Variants in NRP1 observed in about 807,000 individuals in gnomAD.
NRP1 encodes the protein neuropilin-1.
NRP1 carries 35 observed loss-of-function variants against 106.7 expected under a neutral mutation model. The observed-to-expected ratio is 0.33, with a 90% CI of 0.25 to 0.43. The LOEUF is 0.43. Among genes scored for constraint, NRP1 ranks in the 20% least tolerant of loss-of-function variants. The probability of loss-of-function intolerance (pLI) is 1.00; values close to 1 mark genes in which losing one functional copy is unlikely to be tolerated. For missense variants in NRP1, 1,024 were observed against 1,170.4 expected (o/e 0.87, Z 1.83); for synonymous variants, 437 against 417.9 (o/e 1.05, Z -0.56).
chr10:33,204,222 G>C (rs1312537389), intron 10 of NRP1, among the ~76,000 whole-genome samples: 1 of 152,076 alleles, frequency 6.6e-6, no homozygotes, highest in African/African-American at 2.4e-5. Flanking sequence ...AGTAACTGCT[G>C]CTTTCTTAGT....
At chr10:33,186,595 G>A (rs575764436) in intron 13 of NRP1, 107 bp from the exon 14 acceptor site, 7 of 1,314,762 alleles carry the variant, frequency 5.3e-6, no homozygotes, top group East Asian at 2.3e-5. Context: ...TGAGCACCAA[G>A]AACCCAAATA....
chr10:33,249,842 C>T (rs189369890), intron 6 of NRP1, among the ~76,000 whole-genome samples: 6 of 152,046 alleles, frequency 3.9e-5, no homozygotes, highest in African/African-American at 4.8e-5. Context: ...TGGCAGACAA[C>T]GGATCTCACA....
rs1418619801 is a variant in NRP1 at position 33,180,056 on chromosome 10, C to T, written c.*20G>A. 1.2e-6 allele frequency: 2 copies of T among 1,610,242 alleles called. No homozygotes were observed. The highest frequency in any genetic ancestry group is 1.3e-5 in the African/African-American group (1 of 74,864). ...CCTTCCACTTCCGTCCTTTGACTGT[C>T]TTTTCATCTCTGTCTGCCTTCATGC... On this transcript the variant is annotated 3_prime_UTR_variant, in exon 17 of 17. Transcript: ENST00000374867.
chr10:33,269,347 C>T (rs1051761728), intron 3 of NRP1, among the ~76,000 whole-genome samples: 4 of 152,132 alleles, frequency 2.6e-5, no homozygotes, highest in Non-Finnish European at 5.9e-5. Flanking sequence ...GACTGGAGTG[C>T]AGCGGCACGA....
intron 6 of NRP1, among the ~76,000 whole-genome samples, chr10:33,235,863 G>C (rs942023106): frequency 5.9e-5 from 9 of 152,196 alleles, no homozygotes; most frequent in Non-Finnish European, 1.2e-4. Context: ...ACATTTTTAA[G>C]ACATACGCCG....
intron 16 of NRP1, 142 bp from the exon 17 acceptor site, chr10:33,180,507 A>G: frequency 1.2e-6 from 1 of 828,094 alleles, no homozygotes; most frequent in Admixed American, 2.9e-5. Flanking sequence ...TTGGGAACAG[A>G]AGTGTGGGAG....
intron 6 of NRP1, among the ~76,000 whole-genome samples, chr10:33,243,214 G>T (rs1013248881): frequency 5.9e-5 from 9 of 152,062 alleles, no homozygotes; most frequent in African/African-American, 1.9e-4. Context: ...CAACCTGAAC[G>T]ATTATTTGAT....
At chr10:33,324,611 ACTGT>A (rs2132914761) in intron 2 of NRP1, among the ~76,000 whole-genome samples, 1 of 144,844 alleles carries the variant, frequency 6.9e-6, no homozygotes, top group East Asian at 1.9e-4. Flanking sequence ...AAAGACTTTC[ACTGT>A]CTATGTTCAA....
At chr10:33,286,154 G>T (rs1844519784) in intron 2 of NRP1, among the ~76,000 whole-genome samples, 1 of 152,164 alleles carries the variant, frequency 6.6e-6, no homozygotes, top group African/African-American at 2.4e-5. Flanking sequence ...AAAATTTAAA[G>T]AACTCATTTA....
chr10:33,251,221 T>G (rs1297275979), intron 6 of NRP1, among the ~76,000 whole-genome samples: 1 of 152,200 alleles, frequency 6.6e-6, no homozygotes, highest in Non-Finnish European at 1.5e-5. Context: ...CTCTTTCACC[T>G]GCCGCCATGT....
chr10:33,332,358 G>C (rs1413565345), intron 1 of NRP1, among the ~76,000 whole-genome samples: 1 of 152,146 alleles, frequency 6.6e-6, no homozygotes, highest in East Asian at 1.9e-4. Flanking sequence ...TGAGACTCTT[G>C]CATTATTTTG....
intron 2 of NRP1, among the ~76,000 whole-genome samples, chr10:33,287,439 A>G (rs1037602357): frequency 6.6e-6 from 1 of 152,244 alleles, no homozygotes; most frequent in Non-Finnish European, 1.5e-5. Context: ...TGTACGACAT[A>G]CATAATTTTT....
At chr10:33,283,294 T>C (rs1220961748) in intron 2 of NRP1, among the ~76,000 whole-genome samples, 1 of 152,240 alleles carries the variant, frequency 6.6e-6, no homozygotes, top group African/African-American at 2.4e-5. Flanking sequence ...CTGTTTGCTA[T>C]AAATCATTTT....
chr10:33,314,860 A>G (rs555486640), intron 2 of NRP1, among the ~76,000 whole-genome samples: 1 of 152,274 alleles, frequency 6.6e-6, no homozygotes, highest in South Asian at 2.1e-4. Context: ...TAACTTCTCT[A>G]ATGAAGAAAT....
intron 2 of NRP1, among the ~76,000 whole-genome samples, chr10:33,274,782 G>A (rs1843565293): frequency 6.6e-6 from 1 of 152,126 alleles, no homozygotes; most frequent in South Asian, 2.1e-4. Context: ...CTTCCAAGAG[G>A]ACCTCCCCCC....
Position 33,182,833 on chromosome 10 carries a change from G to GCACA in NRP1, c.2432-89_2432-86dup, listed in dbSNP as rs148435065. The GCACA allele has an allele frequency of 2.6e-3, 1,920 of 747,212 alleles. 4 individuals are homozygous for GCACA. Among genetic ancestry groups the GCACA allele is most frequent in the African/African-American group, 0.014 (753 of 54,614 alleles). The allele number at this position is 747,212 out of a possible 1,614,324, so 46.3% of individuals were successfully genotyped here. ...AAACTACACAAACCTTTAGGTACAT[G>GCACA]CACACACACACACACACACACACAC... On this transcript the variant is annotated intron_variant, in intron 15 of 16. Transcript: ENST00000374867.
chr10:33,277,143 T>G (rs182105583), intron 2 of NRP1, among the ~76,000 whole-genome samples: 28 of 150,392 alleles, frequency 1.9e-4, no homozygotes, highest in African/African-American at 6.6e-4. Context: ...AATTGCTCAA[T>G]AAAAGTTTTT....
At chr10:33,199,379 ATATATATATATTTTTTTTTTTTTTT>A (rs1837066431) in intron 11 of NRP1, among the ~76,000 whole-genome samples, 1 of 56,862 alleles carries the variant, frequency 1.8e-5, no homozygotes, top group Non-Finnish European at 3.2e-5. Flanking sequence ...ATATATATAT[ATATATATATATTTTTTTTTTTTTTT>A]TTTTTTTTTT....
intron 2 of NRP1, among the ~76,000 whole-genome samples, chr10:33,310,208 G>A (rs1222908552): frequency 7.0e-6 from 1 of 142,796 alleles, no homozygotes; most frequent in African/African-American, 2.6e-5. Flanking sequence ...CTCGGCCTCC[G>A]AAAGTGCTGG....
Sources: allele counts gnomAD v4.1 joint callset (sites outside exome capture counted in the v4.1 genomes callset), GRCh38; gene constraint gnomAD v4.1.1; transcripts MANE v1.5; gene names NCBI Gene and HGNC (gene_info 2026-07-23, HGNC 2026-07-21).